Variants in MUC3A observed in about 807,000 individuals in gnomAD.
The protein encoded by MUC3A is mucin 3A, cell surface associated, also known as mucin-3A.
Under a neutral mutation model 109.0 loss-of-function variants are expected in MUC3A, and 109 were observed. The ratio of observed to expected loss-of-function variants is 1.00; its 90% CI spans 0.86 to 1.17. The LOEUF (loss-of-function observed/expected upper bound fraction) is 1.17. Among genes scored for constraint, MUC3A ranks in the 50% most tolerant of loss-of-function variants. The pLI is 0.00. For missense variants in MUC3A, 3,537 were observed against 2,469.4 expected, an observed-to-expected ratio of 1.43 and a Z score of -9.16; for synonymous variants, 1,398 against 981.4, an observed-to-expected ratio of 1.42 and a Z score of -7.93.
At chr7:100,961,760 G>T (rs111773812) in intron 3 of MUC3A, among the ~76,000 whole-genome samples, 4 of 152,308 alleles carry the variant, frequency 2.6e-5, no homozygotes, top group Non-Finnish European at 5.9e-5. Flanking sequence ...TTGCAGTAAA[G>T]CGAGATTTCG....
In MUC3A at chr7:100,958,522, C is replaced by G. The variant is rs1792167317; in HGVS notation, c.6743C>G (p.Thr2248Ser). The change falls in exon 2 of 12, where the codon ACT becomes AGT. Residue 2248 changes from threonine to serine, a missense_variant. Physicochemically the swap from Thr to Ser is moderately conservative, Grantham distance 58. Transcript: ENST00000379458. ...GFTSSITTTETTSHSTPSFTS... is the reference protein window; with the variant it reads ...GFTSSITTTESTSHSTPSFTS... ...ACTTCTTCAATCACCACCACTGAGA[C>G]TACATCCCACAGTACTCCCAGCTTC... The G allele has an allele frequency of 1.7e-6, 2 of 1,191,350 alleles. No individual in the cohort carries two copies. Among genetic ancestry groups the G allele is most frequent in the Middle Eastern group, 1.9e-4 (1 of 5,176 alleles). The allele number at this position is 1,191,350 out of a possible 1,614,324, so 73.8% of individuals were successfully genotyped here. A position where few individuals can be genotyped will look rare whatever the true frequency, so the allele number is the denominator to read the frequency against.
chr7:100,963,691 C>T lies in MUC3A; in HGVS notation c.9172C>T (p.Gln3058Ter), dbSNP rs1792419841. ...DFNKTFWNQMQKIFADMQGFT... is the reference protein window; with the variant it reads ...DFNKTFWNQM ...CCAGGGATCCTTGGTGTTTCAGATG[C>T]AGAAGATTTTTGCAGACATGCAGGG... The change falls in exon 5 of 12, where the codon CAG (glutamine) becomes TAG (stop). Residue 3058 changes from glutamine (Q) to a stop codon, truncating the protein, a stop_gained. Transcript: ENST00000379458. LOFTEE classifies it high-confidence loss of function. 11 of 1,598,366 alleles carry T rather than the reference C, an allele frequency of 6.9e-6. No individual in the cohort carries two copies. The highest frequency in any genetic ancestry group is 1.7e-5 in the Admixed American group (1 of 60,012).
intron 6 of MUC3A, 45 bp downstream of exon 6, chr7:100,964,888 C>G: frequency 5.2e-6 from 8 of 1,551,986 alleles, no homozygotes; most frequent in Non-Finnish European, 6.9e-6. Flanking sequence ...AGGTGTCACC[C>G]CAGCCCACTC....
Position 100,959,889 on chromosome 7 carries a change from T to A in MUC3A, c.8110T>A (p.Ser2704Thr), listed in dbSNP as rs76249962. 5 of 1,541,582 alleles carry A rather than the reference T, an allele frequency of 3.2e-6. No individual in the cohort carries two copies. Among genetic ancestry groups the A allele is most frequent in the African/African-American group, 1.4e-5 (1 of 73,320 alleles). Reference protein sequence around the residue: ...PSSASITPVFSTTIHSVPSSP... With the variant: ...PSSASITPVFTTTIHSVPSSP... ...TTCTGCCAGCATAACTCCAGTGTTTTCCACTACCATTCATTCTGTTCCTTC... is the reference window on the plus strand; with the variant it reads ...TTCTGCCAGCATAACTCCAGTGTTTACCACTACCATTCATTCTGTTCCTTC... Residue 2704 changes from serine (S) to threonine (T), a missense_variant, in exon 2 of 12, where the codon TCC becomes ACC. Physicochemically the swap from Ser to Thr is moderately conservative, Grantham distance 58. Coordinates refer to ENST00000379458, the MANE Select transcript of MUC3A (RefSeq NM_005960.2).
chr7:100,965,768 C>A lies in MUC3A; in HGVS notation c.9513C>A (p.Thr3171=), dbSNP rs376595013. The A allele has an allele frequency of 4.0e-5, 64 of 1,597,784 alleles. No homozygotes were observed. Among genetic ancestry groups the A allele is most frequent in the South Asian group, 8.8e-5 (8 of 91,068 alleles). The part of the protein sequence containing the change: ...EEFYFPLVEA[T]RLRCVTKCTS... ...TCTACTTCCCCTTGGTGGAGGCCACCCGGCTCCGCTGTGTCACCAAATGCA... is the reference window on the plus strand; with the variant it reads ...TCTACTTCCCCTTGGTGGAGGCCACACGGCTCCGCTGTGTCACCAAATGCA... The change falls in exon 8 of 12, where the codon ACC becomes ACA. Residue 3171 remains threonine (T), a synonymous_variant. Transcript: ENST00000379458.
chr7:100,958,812 A>G lies in MUC3A; in HGVS notation c.7033A>G (p.Ile2345Val), dbSNP rs746608541. 6.5e-6 allele frequency: 10 copies of G among 1,529,782 alleles called. No individual in the cohort carries two copies. In the South Asian group the frequency reaches 1.1e-4, roughly 17 times the overall value. The allele number at this position is 1,529,782 out of a possible 1,614,324, so 94.8% of individuals were successfully genotyped here. The change falls in exon 2 of 12, where the codon ATC becomes GTC. Residue 2345 changes from isoleucine to valine, a missense_variant. Ile to Val is a conservative substitution (Grantham distance 29). Coordinates refer to ENST00000379458, the MANE Select transcript of MUC3A (RefSeq NM_005960.2). ...CAATACTCGCAGCTTCACTTCTTCG[A>G]TCACCACCACCGAGACCAACTCTCA... The part of the protein sequence containing the change: ...SHNTRSFTSS[I>V]TTTETNSHST...
Position 100,965,319 on chromosome 7 carries a change from C to T in MUC3A, c.9420C>T (p.Asn3140=), listed in dbSNP as rs767945704. 1 of 1,599,154 alleles carries T rather than the reference C, an allele frequency of 6.3e-7. No individual in the cohort carries two copies. The highest frequency in any genetic ancestry group is 1.1e-5 in the South Asian group (1 of 90,972). The change falls in exon 7 of 12, where the codon AAC becomes AAT. Residue 3140 remains asparagine, a synonymous_variant. Transcript: ENST00000379458. Reference sequence around the variant, plus strand: ...AGCCTGACTCCATCAAGGTGAACAACAACAGCAAGACAGAGCTGACCCCGG... The same window carrying T: ...AGCCTGACTCCATCAAGGTGAACAATAACAGCAAGACAGAGCTGACCCCGG... ...CFKPDSIKVN[N]NSKTELTPAA...
At chr7:100,965,076 T>C (rs1273077661) in intron 6 of MUC3A, 22 of 1,033,536 alleles carry the variant, frequency 2.1e-5, no homozygotes, top group Non-Finnish European at 3.0e-5. Flanking sequence ...ATTTCCCGGA[T>C]GGCTGAAGAC....
Position 100,957,587 on chromosome 7 carries a change from CAG to C in MUC3A, c.5809_5810del (p.Ser1937TyrfsTer80). ...SITTTETPSH[S>X]TPRFTSSITN... The stretch of plus-strand genomic sequence containing the variant: ...TCACCACTACCGAGACCCCCTCACA[CAG>C]TACTCCCAGATTCACTTCTTCAATC... On this transcript the variant is annotated frameshift_variant, in exon 2 of 12. Transcript: ENST00000379458. LOFTEE classifies it high-confidence loss of function. 1 of 1,542,546 alleles carries C rather than the reference CAG, an allele frequency of 6.5e-7. No homozygotes were observed. Among genetic ancestry groups the C allele is most frequent in the Non-Finnish European group, 8.7e-7 (1 of 1,155,674 alleles).
At chr7:100,962,231 C>G (rs1242992652) in intron 3 of MUC3A, among the ~76,000 whole-genome samples, 7 of 15,032 alleles carry the variant, frequency 4.7e-4, no homozygotes, top group African/African-American at 1.5e-3. Flanking sequence ...GACTCCGTCT[C>G]AAAAAAAAAA....
chr7:100,958,031 G>A lies in MUC3A; in HGVS notation c.6252G>A (p.Glu2084=). The part of the protein sequence containing the change: ...LSYTTSITTT[E]TPSHSTLSFT... ...ACACTACCTCAATCACCACCACCGA[G>A]ACCCCCTCACACAGTACTCTCAGCT... is the stretch of plus-strand genomic sequence containing the variant. The change falls in exon 2 of 12, where the codon GAG becomes GAA. Residue 2084 remains glutamate (E), a synonymous_variant. Transcript: ENST00000379458. The A allele has an allele frequency of 8.9e-7, 1 of 1,117,548 alleles. No individual in the cohort carries two copies. The highest frequency in any genetic ancestry group is 1.2e-5 in the South Asian group (1 of 80,664). 69.2% of individuals were successfully genotyped at this position (1,117,548 alleles called of 1,614,324 possible). A position where few individuals can be genotyped will look rare whatever the true frequency, so the allele number is the denominator to read the frequency against.
chr7:100,961,933 C>T (rs1225375861), intron 3 of MUC3A, among the ~76,000 whole-genome samples: 1 of 152,276 alleles, frequency 6.6e-6, no homozygotes, highest in South Asian at 2.1e-4. Context: ...CACAGCGAGA[C>T]CCTCATCTCC....
chr7:100,966,203 C>G (rs1386847367), intron 8 of MUC3A, 183 bp from the exon 9 acceptor site: 1 of 369,418 alleles, frequency 2.7e-6, no homozygotes, highest in African/African-American at 4.7e-5. Flanking sequence ...ATCCCGCCCC[C>G]TCACCTAGGG....
chr7:100,951,000 T>TTTTTTGTTTTTGTTTTTG lies in MUC3A; in HGVS notation c.62-828_62-811dup, dbSNP rs58465763. 3.8e-3 allele frequency among the ~76,000 whole-genome samples: 541 copies of TTTTTTGTTTTTGTTTTTG among 142,696 alleles called. 4 individuals are homozygous for TTTTTTGTTTTTGTTTTTG. The highest frequency in any genetic ancestry group is 0.013 in the African/African-American group (508 of 38,202). The allele number at this position is 142,696 out of a possible 152,430, so 93.6% of individuals were successfully genotyped here. On this transcript the variant is annotated intron_variant, in intron 1 of 11. Transcript: ENST00000379458. Reference sequence around the variant, plus strand: ...TTTCTCTTTGGTGTTCTCTGGGCAGTTTTTTGTTTTTGTTTTTGTTTTTGT... The same window carrying TTTTTTGTTTTTGTTTTTG: ...TTTCTCTTTGGTGTTCTCTGGGCAGTTTTTTGTTTTTGTTTTTGTTTTTGTTTTTGTTTTTGTTTTTGT...
Position 100,959,407 on chromosome 7 carries a change from C to A in MUC3A, c.7628C>A (p.Thr2543Asn). ...ACAGAAACCTCATCCCTTGTGGGCA[C>A]CACCTCTCCCACCATGTCCACTGTG... is the stretch of plus-strand genomic sequence containing the variant. ...QSTETSSLVG[T>N]TSPTMSTVRM... The change falls in exon 2 of 12, where the codon ACC (threonine) becomes AAC (asparagine). Residue 2543 changes from threonine (T) to asparagine (N), a missense_variant. Physicochemically the swap from Thr to Asn is moderately conservative, Grantham distance 65 (BLOSUM62 0). Transcript: ENST00000379458. 6.5e-7 allele frequency: 1 copy of A among 1,535,492 alleles called. No individual in the cohort carries two copies.
chr7:100,963,627 C>T (rs997356958), intron 4 of MUC3A, 61 bp from the exon 5 acceptor site: 20 of 1,597,240 alleles, frequency 1.3e-5, no homozygotes, highest in African/African-American at 1.1e-4. Context: ...TGGGGTTGGG[C>T]GTCTGGGTCC....
chr7:100,950,668 C>T (rs77563280), intron 1 of MUC3A, among the ~76,000 whole-genome samples: 3 of 110 alleles, frequency 0.027, no homozygotes, highest in African/African-American at 0.12. Flanking sequence ...CTTCCTTGTC[C>T]CTGACACCCC....
At chr7:100,963,850 T>TAA (rs1792427061) in intron 5 of MUC3A, 98 bp downstream of exon 5, 2 of 1,509,956 alleles carry the variant, frequency 1.3e-6, no homozygotes, top group East Asian at 4.6e-5. Context: ...TCAGATTTTA[T>TAA]AAAGAGGGGT....
Position 100,966,911 on chromosome 7 carries a change from AT to A in MUC3A, c.9893del (p.Phe3298SerfsTer12). The stretch of plus-strand genomic sequence containing the variant: ...TCTCTCTCTCTAGACAAGGATACAA[AT>A]TTCTATGTGGCCTTGGAGAACGTGG... ...FEDDGTDKDT[N>X]FYVALENVDT... On this transcript the variant is annotated frameshift_variant, in exon 11 of 12. Coordinates refer to ENST00000379458, the MANE Select transcript of MUC3A (RefSeq NM_005960.2). LOFTEE classifies it low-confidence loss of function (END_TRUNC). 6.3e-7 allele frequency: 1 copy of A among 1,598,546 alleles called. No individual in the cohort carries two copies. The highest frequency in any genetic ancestry group is 1.7e-4 in the Middle Eastern group (1 of 6,060).
Sources: gnomAD v4.1 joint callset for allele counts (sites outside exome capture counted in the v4.1 genomes callset) on GRCh38, gnomAD v4.1.1 for gene constraint, MANE v1.5 for transcripts, NCBI Gene and HGNC (gene_info 2026-07-23, HGNC 2026-07-21) for gene names.